The following IGF1R variants were observed in gnomAD, a reference collection of about 807,000 sequenced individuals.
IGF1R encodes insulin-like growth factor 1 receptor.
IGF1R carries 44 observed loss-of-function variants against 144.6 expected under a neutral mutation model. The observed-to-expected ratio is 0.30, with a 90% CI of 0.24 to 0.39. The LOEUF (loss-of-function observed/expected upper bound fraction) is 0.39, where lower values mean the gene tolerates loss of function less well. IGF1R is among the 10% of genes least tolerant of loss of function. The pLI, the probability that IGF1R is intolerant of heterozygous loss-of-function variation, is 1.00. For synonymous variants in IGF1R, 795 were observed against 722.8 expected, an observed-to-expected ratio of 1.10 and a Z score of -1.60; for missense variants, 1,355 against 1,833.7, an observed-to-expected ratio of 0.74 and a Z score of 4.77.
intron 2 of IGF1R, among the ~76,000 whole-genome samples, chr15:98,728,919 T>G (rs1567098088): frequency 6.6e-6 from 1 of 152,212 alleles, no homozygotes; most frequent in Non-Finnish European, 1.5e-5. Flanking sequence ...GTGAAGAGAA[T>G]TTACCTTCCT....
intron 1 of IGF1R, among the ~76,000 whole-genome samples, chr15:98,684,596 A>T (rs1477689375): frequency 6.6e-6 from 1 of 152,180 alleles, no homozygotes; most frequent in Non-Finnish European, 1.5e-5. Context: ...GCCTTTTCTG[A>T]ATGTTATACA....
chr15:98,882,451 G>C (rs139084084), intron 2 of IGF1R, among the ~76,000 whole-genome samples: 1 of 152,362 alleles, frequency 6.6e-6, no homozygotes, highest in Non-Finnish European at 1.5e-5. Flanking sequence ...AAGTGTTTCA[G>C]ATCAGTATGC....
chr15:98,946,220 G>A (rs1011474170), intron 19 of IGF1R, among the ~76,000 whole-genome samples: 32 of 151,576 alleles, frequency 2.1e-4, no homozygotes, highest in Non-Finnish European at 3.4e-4. Flanking sequence ...GGGGTGGGGG[G>A]TTCCTGGCAG....
At chr15:98,664,108 T>C (rs2052666919) in intron 1 of IGF1R, among the ~76,000 whole-genome samples, 1 of 152,194 alleles carries the variant, frequency 6.6e-6, no homozygotes, top group African/African-American at 2.4e-5. Flanking sequence ...GCCTGTGGGC[T>C]TTTGTAACAC....
rs970057386 is a variant in IGF1R at position 98,936,005 on chromosome 15, C to G, written c.3297+579C>G. Among the ~76,000 whole-genome samples, 8 of 152,308 alleles carry G rather than the reference C, an allele frequency of 5.3e-5. No homozygotes were observed. In the South Asian group the frequency reaches 1.5e-3, roughly 28 times the overall value. ...TAAGCTGCCTGGATTCTTGCCCTTG[C>G]ATCTGGGAAGTTGCTGGGTGATTTC... On this transcript the variant is annotated intron_variant, in intron 17 of 20. Transcript: ENST00000650285.
At chr15:98,649,833 C>T (rs2052305481) in intron 1 of IGF1R, among the ~76,000 whole-genome samples, 158 bp downstream of exon 1, 1 of 152,134 alleles carries the variant, frequency 6.6e-6, no homozygotes, top group South Asian at 2.1e-4. Flanking sequence ...GGGAGGGAGG[C>T]TGCAGCGGAC....
intron 2 of IGF1R, among the ~76,000 whole-genome samples, chr15:98,750,048 G>C (rs1342345632): frequency 6.6e-6 from 1 of 152,066 alleles, no homozygotes; most frequent in Non-Finnish European, 1.5e-5. Context: ...GCTGTGAGAG[G>C]GAATTGCATA....
chr15:98,924,462 T>G, intron 12 of IGF1R, 63 bp from the exon 13 acceptor site: 1 of 1,541,562 alleles, frequency 6.5e-7, no homozygotes, highest in Non-Finnish European at 9.0e-7. Flanking sequence ...GTGAGTTTAG[T>G]TGGCAGGCCC....
intron 2 of IGF1R, among the ~76,000 whole-genome samples, chr15:98,780,828 TAAC>T (rs1194881712): frequency 6.6e-6 from 1 of 152,176 alleles, no homozygotes; most frequent in Non-Finnish European, 1.5e-5. Flanking sequence ...ACAATCCAGA[TAAC>T]AAGAAGTAAT....
At chr15:98,723,243 T>C (rs371599755) in intron 2 of IGF1R, among the ~76,000 whole-genome samples, 174 of 152,306 alleles carry the variant, frequency 1.1e-3, no homozygotes, top group African/African-American at 4.0e-3. Context: ...ACTTTTCTTA[T>C]TGAGAATTGT....
chr15:98,853,352 C>CA (rs1264969618), intron 2 of IGF1R, among the ~76,000 whole-genome samples: 1 of 152,148 alleles, frequency 6.6e-6, no homozygotes, highest in African/African-American at 2.4e-5. Flanking sequence ...TTATTTGCGA[C>CA]AGGGCTGCCT....
Position 98,934,867 on chromosome 15 carries a change from C to T in IGF1R, c.3000C>T (p.Thr1000=). The change falls in exon 16 of 21, where the codon ACC becomes ACT. Residue 1000 remains threonine (T), a synonymous_variant. Transcript: ENST00000650285. ...DEWEVAREKI[T]MSRELGQGSF... The stretch of plus-strand genomic sequence containing the variant: ...GGGAGGTGGCTCGGGAGAAGATCAC[C>T]ATGAGCCGGGAACTTGGGCAGGGGT... The T allele has an allele frequency of 6.2e-7, 1 of 1,614,112 alleles. No individual in the cohort carries two copies. Among genetic ancestry groups the T allele is most frequent in the South Asian group, 1.1e-5 (1 of 91,064 alleles).
In IGF1R at chr15:98,878,120, T is replaced by G. The variant is rs117489643; in HGVS notation, c.641-13205T>G. ...TACCTTGGTCAACACCAGTAAGCCA[T>G]GTAATTGCCCAGAAGTGGGCTCTAA... On this transcript the variant is annotated intron_variant, in intron 2 of 20. Transcript: ENST00000650285. Among the ~76,000 whole-genome samples the G allele has an allele frequency of 2.0e-5, 3 of 152,254 alleles. No homozygotes were observed. The South Asian group carries it at 6.2e-4, about 31-fold the overall frequency.
At chr15:98,881,374 G>A (rs4966033) in intron 2 of IGF1R, among the ~76,000 whole-genome samples, 1 of 151,946 alleles carries the variant, frequency 6.6e-6, no homozygotes, top group South Asian at 2.1e-4. Context: ...AGGCTGGAGC[G>A]CAGTGGCGCG....
intron 2 of IGF1R, among the ~76,000 whole-genome samples, chr15:98,803,105 G>C (rs1244335652): frequency 6.6e-6 from 1 of 152,132 alleles, no homozygotes; most frequent in Non-Finnish European, 1.5e-5. Flanking sequence ...GATATGTTCT[G>C]AGAAATGCAT....
intron 2 of IGF1R, among the ~76,000 whole-genome samples, chr15:98,746,938 T>C (rs2054881728): frequency 1.3e-5 from 2 of 152,244 alleles, no homozygotes; most frequent in African/African-American, 4.8e-5. Context: ...GCTGTGTTGT[T>C]CTTACATCAT....
Position 98,957,115 on chromosome 15 carries a change from C to T in IGF1R, c.3777C>T (p.Phe1259=), listed in dbSNP as rs371462352. Residue 1259 remains phenylalanine, a synonymous_variant, in exon 21 of 21, where the codon TTC becomes TTT. Coordinates refer to ENST00000650285, the MANE Select transcript of IGF1R (RefSeq NM_000875.5). ...WQYNPKMRPS[F]LEIISSIKEE... is the part of the protein sequence containing the mutation. ...ATAACCCCAAGATGAGGCCTTCCTT[C>T]CTGGAGATCATCAGCAGCATCAAAG... The T allele has an allele frequency of 5.6e-6, 9 of 1,614,102 alleles. No individual in the cohort carries two copies. The African/African-American group carries it at 1.1e-4, about 19-fold the overall frequency.
intron 2 of IGF1R, among the ~76,000 whole-genome samples, chr15:98,799,906 C>G (rs2056325847): frequency 6.6e-6 from 1 of 152,180 alleles, no homozygotes; most frequent in African/African-American, 2.4e-5. Flanking sequence ...ATTTATGTAT[C>G]AATTCACCGG....
chr15:98,952,329 C>CACACACACACAG (rs1335542932), intron 20 of IGF1R, among the ~76,000 whole-genome samples: 7 of 151,822 alleles, frequency 4.6e-5, no homozygotes, highest in Non-Finnish European at 1.0e-4. Flanking sequence ...CACACACACA[C>CACACACACACAG]ACTGCCCCTC....
Sources: allele counts gnomAD v4.1 joint callset (sites outside exome capture counted in the v4.1 genomes callset), GRCh38; gene constraint gnomAD v4.1.1; transcripts MANE v1.5; gene names NCBI Gene and HGNC (gene_info 2026-07-23, HGNC 2026-07-21).